PRAMEF12: variants seen among roughly 807,000 people sequenced by gnomAD.
PRAMEF12 encodes the protein PRAME family member 12.
In PRAMEF12, 24 loss-of-function variants were observed where a neutral mutation model predicts 24.6. That is an observed-to-expected ratio of 0.98 (90% CI 0.71 to 1.37). The LOEUF (loss-of-function observed/expected upper bound fraction) is 1.37, where lower values mean the gene tolerates loss of function less well. Ranked by LOEUF, PRAMEF12 falls within the 40% of genes most tolerant of loss-of-function variation. The probability of loss-of-function intolerance (pLI) is 0.00; values close to 1 mark genes in which losing one functional copy is unlikely to be tolerated. For missense variants in PRAMEF12, 646 were observed against 580.3 expected (o/e 1.11, Z -1.16); for synonymous variants, 286 against 242.6 (o/e 1.18, Z -1.66).
chr1:12,774,604 C>G lies in PRAMEF12; in HGVS notation c.-264C>G, dbSNP rs1161767042. Among the ~76,000 whole-genome samples the G allele has an allele frequency of 6.6e-6, 1 of 152,148 alleles. No homozygotes were observed. Among genetic ancestry groups the G allele is most frequent in the African/African-American group, 2.4e-5 (1 of 41,424 alleles). ...GCTTTCAGGATCCTCAGCAACGCTT[C>G]CCAGTGTTACTGAGATTTAGTGCAG... On this transcript the variant is annotated 5_prime_UTR_variant, in exon 1 of 3. Transcript: ENST00000357726.
At position 12,777,213 on chromosome 1, in the gene PRAMEF12, G is replaced by A. The variant is rs1393340443; in HGVS notation, c.1066G>A (p.Glu356Lys). 6.2e-7 allele frequency: 1 copy of A among 1,612,808 alleles called. No homozygotes were observed. Among genetic ancestry groups the A allele is most frequent in the African/African-American group, 1.3e-5 (1 of 74,876 alleles). ...AEATLQTLDL[E>K]DCGIVDSQLS... ...GGCCACCCTGCAGACCCTGGACTTA[G>A]AGGACTGTGGGATCGTGGATTCCCA... Residue 356 changes from glutamate (E) to lysine (K), a missense_variant, in exon 3 of 3, where the codon GAG (glutamate) becomes AAG (lysine). Transcript: ENST00000357726.
chr1:12,777,190 C>A lies in PRAMEF12; in HGVS notation c.1043C>A (p.Ala348Asp). 1 of 1,613,272 alleles carries A rather than the reference C, an allele frequency of 6.2e-7. No homozygotes were observed. Among genetic ancestry groups the A allele is most frequent in the Non-Finnish European group, 8.5e-7 (1 of 1,179,956 alleles). The change falls in exon 3 of 3, where the codon GCC becomes GAC. Residue 348 changes from alanine (A) to aspartate (D), a missense_variant. Ala to Asp is a moderately radical substitution (Grantham distance 126). Transcript: ENST00000357726. ...PLSVLLEQAE[A>D]TLQTLDLEDC... ...TCAGTTCTGCTGGAGCAAGCTGAGG[C>A]CACCCTGCAGACCCTGGACTTAGAG...
rs776126434 is a variant in PRAMEF12, at chr1:12,774,818, G to T, written c.-50G>T. 16 of 1,518,140 alleles carry T rather than the reference G, an allele frequency of 1.1e-5. No individual in the cohort carries two copies. In the East Asian group the frequency reaches 3.4e-4, roughly 32 times the overall value. 94.0% of individuals were successfully genotyped at this position (1,518,140 alleles called of 1,614,324 possible). On this transcript the variant is annotated 5_prime_UTR_variant, in exon 1 of 3. Transcript: ENST00000357726. ...GACATTGGCACTAGGAGATGATGAA[G>T]TGATGTGATTTGCCGTAAGAATGAT...
chr1:12,775,942 G>A lies in PRAMEF12; in HGVS notation c.687G>A (p.Met229Ile), dbSNP rs1639045300. ...LIRFAPYLGQ[M>I]RNLRKLVLFN... ...GGTTCGCCCCTTACCTGGGCCAGAT[G>A]AGGAATCTCCGCAAACTTGTTCTCT... is the stretch of plus-strand genomic sequence containing the variant. Residue 229 changes from methionine to isoleucine, a missense_variant, in exon 2 of 3, where the codon ATG becomes ATA. Met to Ile is a conservative substitution (Grantham distance 10, BLOSUM62 1). Transcript: ENST00000357726. 3 of 1,614,028 alleles carry A rather than the reference G, an allele frequency of 1.9e-6. No individual in the cohort carries two copies. The highest frequency in any genetic ancestry group is 1.3e-5 in the African/African-American group (1 of 74,894).
In PRAMEF12 at chr1:12,775,944, G is replaced by C; in HGVS notation, c.689G>C (p.Arg230Thr). ...IRFAPYLGQMRNLRKLVLFNI... is the reference protein window; with the variant it reads ...IRFAPYLGQMTNLRKLVLFNI... ...TTCGCCCCTTACCTGGGCCAGATGA[G>C]GAATCTCCGCAAACTTGTTCTCTTC... Residue 230 changes from arginine to threonine, a missense_variant, in exon 2 of 3, where the codon AGG becomes ACG. Transcript: ENST00000357726. The C allele has an allele frequency of 6.2e-7, 1 of 1,614,116 alleles. No homozygotes were observed. Among genetic ancestry groups the C allele is most frequent in the Non-Finnish European group, 8.5e-7 (1 of 1,180,030 alleles).
At position 12,776,159 on chromosome 1, in the gene PRAMEF12, A is replaced by T. The variant is rs202207385; in HGVS notation, c.863+41A>T. The T allele has an allele frequency of 6.9e-5, 109 of 1,585,484 alleles. No homozygotes were observed. The East Asian group carries it at 2.2e-3, about 32-fold the overall frequency. On this transcript the variant is annotated intron_variant, in intron 2 of 2. Coordinates refer to ENST00000357726, the MANE Select transcript of PRAMEF12 (RefSeq NM_001080830.5). ...GAGCTTTCTCTGCAGACCGCAGCAAAGACTTTCTTTATTACTGTAAACACC... is the reference window on the plus strand; with the variant it reads ...GAGCTTTCTCTGCAGACCGCAGCAATGACTTTCTTTATTACTGTAAACACC...
rs978851962 is a variant in PRAMEF12 at position 12,775,941 on chromosome 1, T to A, written c.686T>A (p.Met229Lys). 1 of 1,614,140 alleles carries A rather than the reference T, an allele frequency of 6.2e-7. No individual in the cohort carries two copies. The highest frequency in any genetic ancestry group is 8.5e-7 in the Non-Finnish European group (1 of 1,180,020). ...LIRFAPYLGQ[M>K]RNLRKLVLFN... ...AGGTTCGCCCCTTACCTGGGCCAGA[T>A]GAGGAATCTCCGCAAACTTGTTCTC... The change falls in exon 2 of 3, where the codon ATG (methionine) becomes AAG (lysine). Residue 229 changes from methionine to lysine, a missense_variant. Physicochemically the swap from Met to Lys is moderately conservative, Grantham distance 95. Transcript: ENST00000357726.
Position 12,777,139 on chromosome 1 carries a change from T to C in PRAMEF12, c.992T>C (p.Leu331Pro), listed in dbSNP as rs200846791. 169 of 1,613,892 alleles carry C rather than the reference T, an allele frequency of 1.0e-4. No homozygotes were observed. Among genetic ancestry groups the C allele is most frequent in the Non-Finnish European group, 1.2e-4 (146 of 1,180,032 alleles). ...LKELDLRGIT[L>P]THFSPEPLSV... is the part of the protein sequence containing the mutation. ...GAGCTAGACCTGAGGGGCATCACAC[T>C]GACCCATTTCAGTCCTGAGCCCCTC... Residue 331 changes from leucine (L) to proline (P), a missense_variant, in exon 3 of 3, where the codon CTG (leucine) becomes CCG (proline). Coordinates refer to ENST00000357726, the MANE Select transcript of PRAMEF12 (RefSeq NM_001080830.5).
Position 12,777,243 on chromosome 1 carries a change from A to C in PRAMEF12, c.1096A>C (p.Ser366Arg). ...EDCGIVDSQLSAILPALSRCS... is the reference protein window; with the variant it reads ...EDCGIVDSQLRAILPALSRCS... ...CTGTGGGATCGTGGATTCCCAACTC[A>C]GCGCCATCCTGCCTGCCCTGAGCCG... is the stretch of plus-strand genomic sequence containing the variant. The change falls in exon 3 of 3, where the codon AGC (serine) becomes CGC (arginine). Residue 366 changes from serine to arginine, a missense_variant. Physicochemically the swap from Ser to Arg is moderately radical, Grantham distance 110 (BLOSUM62 -1). Coordinates refer to ENST00000357726, the MANE Select transcript of PRAMEF12 (RefSeq NM_001080830.5). 1 of 1,612,510 alleles carries C rather than the reference A, an allele frequency of 6.2e-7. No homozygotes were observed. The highest frequency in any genetic ancestry group is 8.5e-7 in the Non-Finnish European group (1 of 1,179,916).
Position 12,775,063 on chromosome 1 carries a change from C to A in PRAMEF12, c.196C>A (p.Leu66Ile). 1 of 1,614,194 alleles carries A rather than the reference C, an allele frequency of 6.2e-7. No individual in the cohort carries two copies. The highest frequency in any genetic ancestry group is 1.1e-5 in the South Asian group (1 of 91,084). The change falls in exon 1 of 3, where the codon CTA (leucine) becomes ATA (isoleucine). Residue 66 changes from leucine to isoleucine, a missense_variant. Transcript: ENST00000357726. Reference protein sequence around the residue: ...VQAWPFTCLPLGSLMKSCNLE... With the variant: ...VQAWPFTCLPIGSLMKSCNLE... ...GGCCTGGCCCTTCACCTGCCTTCCTCTAGGGTCCCTGATGAAGTCATGTAA... is the reference window on the plus strand; with the variant it reads ...GGCCTGGCCCTTCACCTGCCTTCCTATAGGGTCCCTGATGAAGTCATGTAA...
chr1:12,774,699 G>T lies in PRAMEF12; in HGVS notation c.-169G>T. 1 of 632,184 alleles carries T rather than the reference G, an allele frequency of 1.6e-6. No homozygotes were observed. Among genetic ancestry groups the T allele is most frequent in the Non-Finnish European group, 2.7e-6 (1 of 374,358 alleles). The allele number at this position is 632,184 out of a possible 1,614,324, so 39.2% of individuals were successfully genotyped here. ...TCATTGTTTGGAAGACATTCTTTAT[G>T]GTACCAGCAAGGGCAGAATTACAGA... On this transcript the variant is annotated 5_prime_UTR_variant, in exon 1 of 3. The change abolishes an upstream ATG in the 5' untranslated region. Coordinates refer to ENST00000357726, the MANE Select transcript of PRAMEF12 (RefSeq NM_001080830.5).
Position 12,777,203 on chromosome 1 carries a change from C to A in PRAMEF12, c.1056C>A (p.Thr352=), listed in dbSNP as rs1212972387. 5 of 1,612,994 alleles carry A rather than the reference C, an allele frequency of 3.1e-6. No individual in the cohort carries two copies. Among genetic ancestry groups the A allele is most frequent in the Non-Finnish European group, 4.2e-6 (5 of 1,180,012 alleles). ...AGCAAGCTGAGGCCACCCTGCAGAC[C>A]CTGGACTTAGAGGACTGTGGGATCG... The part of the protein sequence containing the change: ...LLEQAEATLQ[T]LDLEDCGIVD... Residue 352 remains threonine (T), a synonymous_variant, in exon 3 of 3, where the codon ACC becomes ACA. Transcript: ENST00000357726.
At chr1:12,775,474 A>T in intron 1 of PRAMEF12, 69 bp from the exon 2 acceptor site, 6 of 1,388,966 alleles carry the variant, frequency 4.3e-6, no homozygotes, top group Non-Finnish European at 5.9e-6. Context: ...AGAGTCGCTG[A>T]TGTCCGGGAT....
intron 2 of PRAMEF12, among the ~76,000 whole-genome samples, chr1:12,776,702 G>A (rs1211252795): frequency 1.3e-5 from 2 of 152,116 alleles, no homozygotes; most frequent in African/African-American, 2.4e-5. Context: ...GAGGTTGCAG[G>A]ATCTTGCCTG....
chr1:12,775,644 G>T lies in PRAMEF12; in HGVS notation c.389G>T (p.Arg130Ile), dbSNP rs1373825503. The change falls in exon 2 of 3, where the codon AGA becomes ATA. Residue 130 changes from arginine to isoleucine, a missense_variant. By Grantham distance (97) the Arg-to-Ile change is moderately conservative. Coordinates refer to ENST00000357726, the MANE Select transcript of PRAMEF12 (RefSeq NM_001080830.5). ...CTCTCCCCAGAGGCCCTGAGTAAGA[G>T]ACGAACAGCAGGGAACTGTCCAAGG... Reference protein sequence around the residue: ...SALSPEALSKRRTAGNCPRPG... With the variant: ...SALSPEALSKIRTAGNCPRPG... The T allele has an allele frequency of 6.2e-7, 1 of 1,614,022 alleles. No homozygotes were observed. The highest frequency in any genetic ancestry group is 1.7e-5 in the Admixed American group (1 of 60,018).
In PRAMEF12 at chr1:12,775,835, A is replaced by T; in HGVS notation, c.580A>T (p.Ile194Leu). ...TTTTGGAATAGCCATCCACAGGATC[A>T]TAGAGGTCCTGAACACGGTGGAGCT... ...QIFGIAIHRI[I>L]EVLNTVELDC... Residue 194 changes from isoleucine (I) to leucine (L), a missense_variant, in exon 2 of 3, where the codon ATA (isoleucine) becomes TTA (leucine). Coordinates refer to ENST00000357726, the MANE Select transcript of PRAMEF12 (RefSeq NM_001080830.5). 1 of 1,614,104 alleles carries T rather than the reference A, an allele frequency of 6.2e-7. No homozygotes were observed. Among genetic ancestry groups the T allele is most frequent in the Non-Finnish European group, 8.5e-7 (1 of 1,180,022 alleles).
rs1341207271 is a variant in PRAMEF12, at chr1:12,775,977, A to G, written c.722A>G (p.His241Arg). The G allele has an allele frequency of 1.9e-6, 3 of 1,614,012 alleles. No individual in the cohort carries two copies. Among genetic ancestry groups the G allele is most frequent in the African/African-American group, 1.3e-5 (1 of 74,898 alleles). ...NLRKLVLFNI[H>R]VSACIPLDRK... ...CGCAAACTTGTTCTCTTCAACATCC[A>G]TGTCTCTGCCTGCATTCCCCTAGAC... The change falls in exon 2 of 3, where the codon CAT becomes CGT. Residue 241 changes from histidine (H) to arginine (R), a missense_variant. Transcript: ENST00000357726.
rs781378252 is a variant in PRAMEF12, at chr1:12,775,888, C to T, written c.633C>T (p.Cys211=). ...ACTGTATCCAGGAGGTGGAAGTGTG[C>T]TGCCCGTGGGAGCTGTCCATTCTTA... ...ELDCIQEVEV[C]CPWELSILIR... The change falls in exon 2 of 3, where the codon TGC becomes TGT. Residue 211 remains cysteine (C), a synonymous_variant. Coordinates refer to ENST00000357726, the MANE Select transcript of PRAMEF12 (RefSeq NM_001080830.5). 6.2e-7 allele frequency: 1 copy of T among 1,614,108 alleles called. No homozygotes were observed. The highest frequency in any genetic ancestry group is 1.1e-5 in the South Asian group (1 of 91,078).
intron 1 of PRAMEF12, 25 bp downstream of exon 1, chr1:12,775,179 G>A: frequency 1.3e-6 from 2 of 1,590,650 alleles, no homozygotes; most frequent in South Asian, 1.2e-5. Context: ...CTAACCAGGT[G>A]GGGAGGGCTC....
Sources: allele counts gnomAD v4.1 joint callset (sites outside exome capture counted in the v4.1 genomes callset), GRCh38; gene constraint gnomAD v4.1.1; transcripts MANE v1.5; gene names NCBI Gene and HGNC (gene_info 2026-07-23, HGNC 2026-07-21).